Variants in NRXN3 observed in about 807,000 individuals in gnomAD.
NRXN3 encodes the protein neurexin III.
NRXN3 carries 32 observed loss-of-function variants against 137.6 expected under a neutral mutation model. That is an observed-to-expected ratio of 0.23 (90% confidence interval 0.18 to 0.31). The LOEUF is 0.31. Ranked by LOEUF, NRXN3 falls within the 10% of genes least tolerant of loss-of-function variation. The probability of loss-of-function intolerance (pLI) is 1.00; values close to 1 mark genes in which losing one functional copy is unlikely to be tolerated. For missense variants in NRXN3, 1,574 were observed against 2,062.5 expected (o/e 0.76, Z 4.59); for synonymous variants, 798 against 784.5 (o/e 1.02, Z -0.29).
At chr14:79,575,327 G>C (rs1424543057) in intron 16 of NRXN3, among the ~76,000 whole-genome samples, 1 of 152,136 alleles carries the variant, frequency 6.6e-6, no homozygotes, top group Non-Finnish European at 1.5e-5. Context: ...AGACGGAAGC[G>C]TGGTAAGGAG....
chr14:79,320,341 A>T (rs1267847453), intron 15 of NRXN3, among the ~76,000 whole-genome samples: 2 of 152,188 alleles, frequency 1.3e-5, no homozygotes, highest in African/African-American at 4.8e-5. Context: ...TACAGTAAGT[A>T]TTTACTTTTC....
At chr14:79,323,425 G>A (rs988291064) in intron 15 of NRXN3, among the ~76,000 whole-genome samples, 2 of 152,128 alleles carry the variant, frequency 1.3e-5, no homozygotes, top group Non-Finnish European at 2.9e-5. Flanking sequence ...GAAGCCAAAA[G>A]GCCCATTATT....
intron 15 of NRXN3, among the ~76,000 whole-genome samples, chr14:79,132,300 G>T (rs1308928319): frequency 6.6e-6 from 1 of 152,226 alleles, no homozygotes; most frequent in East Asian, 1.9e-4. Flanking sequence ...TTTTTCAGTT[G>T]TAAGTTTTGT....
intron 19 of NRXN3, among the ~76,000 whole-genome samples, chr14:79,784,897 G>A (rs191673215): frequency 4.6e-5 from 7 of 152,146 alleles, no homozygotes; most frequent in East Asian, 1.9e-4. Flanking sequence ...GTCACTCTGC[G>A]GGGCTTTATT....
intron 15 of NRXN3, among the ~76,000 whole-genome samples, chr14:79,103,251 G>A (rs1247380585): frequency 6.6e-6 from 1 of 152,202 alleles, no homozygotes; most frequent in African/African-American, 2.4e-5. Context: ...CAGGAAGAAG[G>A]TGATTTGGGA....
At chr14:79,568,950 T>G (rs1003347557) in intron 16 of NRXN3, among the ~76,000 whole-genome samples, 8 of 151,924 alleles carry the variant, frequency 5.3e-5, no homozygotes, top group Non-Finnish European at 7.4e-5. Flanking sequence ...GAGTAATACA[T>G]CTTCTGAGCA....
At chr14:79,097,639 T>C (rs1043705897) in intron 15 of NRXN3, among the ~76,000 whole-genome samples, 6 of 152,188 alleles carry the variant, frequency 3.9e-5, no homozygotes, top group Non-Finnish European at 8.8e-5. Context: ...TCATTCTGTG[T>C]TTCCTCTTAT....
intron 15 of NRXN3, among the ~76,000 whole-genome samples, chr14:79,271,797 T>A (rs550458750): frequency 1.2e-4 from 19 of 152,212 alleles, no homozygotes; most frequent in African/African-American, 4.3e-4. Flanking sequence ...TACACTCCCC[T>A]TTCTCTGCCA....
At chr14:79,392,237 A>G (rs2094871746) in intron 15 of NRXN3, among the ~76,000 whole-genome samples, 1 of 152,186 alleles carries the variant, frequency 6.6e-6, no homozygotes, top group South Asian at 2.1e-4. Flanking sequence ...GAGTGAGAAC[A>G]TGTGGTATTT....
At chr14:78,491,615 G>T (rs1167506636) in intron 4 of NRXN3, among the ~76,000 whole-genome samples, 1 of 152,100 alleles carries the variant, frequency 6.6e-6, no homozygotes, top group African/African-American at 2.4e-5. Context: ...GGCATGAAAC[G>T]GAATATCTGG....
chr14:79,286,413 A>T (rs2082260219), intron 15 of NRXN3, among the ~76,000 whole-genome samples: 1 of 151,994 alleles, frequency 6.6e-6, no homozygotes, highest in Admixed American at 6.6e-5. Flanking sequence ...TTAAATAGGC[A>T]TCAGTTTAAT....
chr14:78,780,655 T>A lies in NRXN3; in HGVS notation c.2045-22965T>A, dbSNP rs776400444. Among the ~76,000 whole-genome samples, 4 of 151,924 alleles carry A rather than the reference T, an allele frequency of 2.6e-5. 1 individual carries two copies. Among genetic ancestry groups the A allele is most frequent in the African/African-American group, 7.3e-5 (3 of 41,354 alleles). On this transcript the variant is annotated intron_variant, in intron 8 of 20. Coordinates refer to ENST00000335750, the MANE Select transcript of NRXN3 (RefSeq NM_001330195.2). ...TGAGCAAAGGATATGAATAAGCAAATGACAGATGCCAAAACCAAAATGGAT... is the reference window on the plus strand; with the variant it reads ...TGAGCAAAGGATATGAATAAGCAAAAGACAGATGCCAAAACCAAAATGGAT...
chr14:78,298,714 A>G (rs969532577), intron 4 of NRXN3, among the ~76,000 whole-genome samples: 2 of 152,236 alleles, frequency 1.3e-5, no homozygotes, highest in African/African-American at 4.8e-5. Context: ...GATGATTGCA[A>G]GATTGGTCTA....
At chr14:78,633,251 C>CAAAA (rs779442429) in intron 4 of NRXN3, among the ~76,000 whole-genome samples, 1 of 68,078 alleles carries the variant, frequency 1.5e-5, no homozygotes, top group East Asian at 4.5e-4. Flanking sequence ...GAGACTCTGT[C>CAAAA]AAAAAAAAAA....
rs568549662 is a variant in NRXN3 at position 79,476,727 on chromosome 14, A to G, written c.3444+9325A>G. 1.6e-4 allele frequency among the ~76,000 whole-genome samples: 24 copies of G among 152,214 alleles called. 1 individual carries two copies. In the South Asian group the frequency reaches 3.9e-3, roughly 25 times the overall value. On this transcript the variant is annotated intron_variant, in intron 16 of 20. Transcript: ENST00000335750. ...GACACTGTGCAAGAACTTTGTTTACACTGTCTTATAATGAGCTCATGACCA... is the reference window on the plus strand; with the variant it reads ...GACACTGTGCAAGAACTTTGTTTACGCTGTCTTATAATGAGCTCATGACCA...
chr14:79,297,882 A>G (rs189035530), intron 15 of NRXN3, among the ~76,000 whole-genome samples: 1 of 152,230 alleles, frequency 6.6e-6, no homozygotes. Flanking sequence ...TCTCATTTAT[A>G]TAGTGCTTCA....
At chr14:79,007,484 C>T (rs948873177) in intron 15 of NRXN3, among the ~76,000 whole-genome samples, 3 of 149,396 alleles carry the variant, frequency 2.0e-5, no homozygotes, top group African/African-American at 7.4e-5. Context: ...CAATAGAAAG[C>T]AATCAACCAA....
At chr14:78,490,281 G>A (rs991169466) in intron 4 of NRXN3, among the ~76,000 whole-genome samples, 1 of 151,948 alleles carries the variant, frequency 6.6e-6, no homozygotes, top group African/African-American at 2.4e-5. Flanking sequence ...TTCTGGGTAA[G>A]GCTGTTTGAC....
At chr14:79,389,066 C>T (rs1363507031) in intron 15 of NRXN3, among the ~76,000 whole-genome samples, 1 of 152,174 alleles carries the variant, frequency 6.6e-6, no homozygotes, top group Non-Finnish European at 1.5e-5. Flanking sequence ...TACCTAGTCT[C>T]AGGTATGTCT....
Sources: gnomAD v4.1 joint callset for allele counts (sites outside exome capture counted in the v4.1 genomes callset) on GRCh38, gnomAD v4.1.1 for gene constraint, MANE v1.5 for transcripts, NCBI Gene and HGNC (gene_info 2026-07-23, HGNC 2026-07-21) for gene names.